The following IRS1 variants were observed in gnomAD, a reference collection of about 807,000 sequenced individuals.
IRS1 encodes the protein insulin receptor substrate 1.
IRS1 carries 34 observed loss-of-function variants against 65.6 expected under a neutral mutation model. That is an observed-to-expected ratio of 0.52 (90% confidence interval 0.39 to 0.69). The LOEUF (loss-of-function observed/expected upper bound fraction) is 0.69, where lower values mean the gene tolerates loss of function less well. IRS1 is among the 30% of genes least tolerant of loss of function. The pLI, the probability that IRS1 is intolerant of heterozygous loss-of-function variation, is 0.00. For synonymous variants in IRS1, 699 were observed against 683.5 expected, an observed-to-expected ratio of 1.02 and a Z score of -0.35; for missense variants, 1,641 against 1,720.2, an observed-to-expected ratio of 0.95 and a Z score of 0.81.
rs1165972173 is a variant in IRS1, at chr2:226,735,065, T to TA, written c.*1206dup. On this transcript the variant is annotated 3_prime_UTR_variant, in exon 2 of 2. Transcript: ENST00000305123. ...AGCCCTGGTCATAATGAAAAACACT[T>TA]ACTGGAATTTTAATTTCTGGTTAGC... is the stretch of plus-strand genomic sequence containing the variant. The TA allele has an allele frequency of 2.0e-5, 3 of 152,178 alleles. No homozygotes were observed. Among genetic ancestry groups the TA allele is most frequent in the African/African-American group, 7.2e-5 (3 of 41,440 alleles). 9.4% of individuals were successfully genotyped at this position (152,178 alleles called of 1,614,324 possible).
chr2:226,758,334 T>C (rs1219434530), intron 1 of IRS1, among the ~76,000 whole-genome samples: 3 of 152,192 alleles, frequency 2.0e-5, no homozygotes, highest in Non-Finnish European at 4.4e-5. Context: ...ATTAGTCTAC[T>C]ACCATGACCA....
At position 226,747,929 on chromosome 2, in the gene IRS1, T is replaced by C. The variant is rs149898213; in HGVS notation, c.*22-11679A>G. Among the ~76,000 whole-genome samples, 16 of 152,264 alleles carry C rather than the reference T, an allele frequency of 1.1e-4. 2 individuals are homozygous for C. The highest frequency in any genetic ancestry group is 3.6e-4 in the African/African-American group (15 of 41,548). On this transcript the variant is annotated intron_variant, in intron 1 of 1. Transcript: ENST00000305123. ...TCTAATGGGTAAGGGCCTGGAATAC[T>C]ACTAGACACCTTACAACACAGTGGA...
chr2:226,777,217 T>C (rs1939291449), intron 1 of IRS1, among the ~76,000 whole-genome samples: 1 of 152,176 alleles, frequency 6.6e-6, no homozygotes, highest in Non-Finnish European at 1.5e-5. Context: ...TAATGCAAGA[T>C]GTTAATAAAG....
intron 1 of IRS1, among the ~76,000 whole-genome samples, chr2:226,742,701 C>G (rs1238724522): frequency 7.4e-6 from 1 of 134,384 alleles, no homozygotes; most frequent in Non-Finnish European, 1.6e-5. Context: ...TGAAGAAAGG[C>G]ACACGCATTA....
In IRS1 at chr2:226,796,169, C is replaced by CT; in HGVS notation, c.2569_2570insA (p.Arg857GlnfsTer44). 1 of 1,613,684 alleles carries CT rather than the reference C, an allele frequency of 6.2e-7. No individual in the cohort carries two copies. The highest frequency in any genetic ancestry group is 8.5e-7 in the Non-Finnish European group (1 of 1,180,002). ...ATCCCCCAGGGACAGCCTCGTGGGC[C>CT]GGGCCAGGCGGCTATTGGTCTGAGC... is the stretch of plus-strand genomic sequence containing the variant. On this transcript the variant is annotated frameshift_variant, in exon 1 of 2. Coordinates refer to ENST00000305123, the MANE Select transcript of IRS1 (RefSeq NM_005544.3). LOFTEE classifies it high-confidence loss of function.
At chr2:226,791,193 G>A (rs760400209) in intron 1 of IRS1, among the ~76,000 whole-genome samples, 15 of 152,066 alleles carry the variant, frequency 9.9e-5, no homozygotes, top group Non-Finnish European at 7.4e-5. Context: ...CAAAACGATG[G>A]CATCCGCAGC....
chr2:226,783,107 C>T (rs569599350), intron 1 of IRS1, among the ~76,000 whole-genome samples: 4 of 152,128 alleles, frequency 2.6e-5, no homozygotes, highest in South Asian at 4.1e-4. Context: ...TAGAGACAAC[C>T]GCATCTACTA....
At chr2:226,771,685 G>A (rs1939167834) in intron 1 of IRS1, among the ~76,000 whole-genome samples, 1 of 151,800 alleles carries the variant, frequency 6.6e-6, no homozygotes. Context: ...TCTTTAAGAT[G>A]CTCATGCCTT....
At chr2:226,766,232 C>T (rs1224723699) in intron 1 of IRS1, among the ~76,000 whole-genome samples, 3 of 134,770 alleles carry the variant, frequency 2.2e-5, no homozygotes, top group Admixed American at 7.9e-5. Context: ...GGCACGATCT[C>T]GGCTCACTGC....
chr2:226,748,664 A>T lies in IRS1; in HGVS notation c.*22-12414T>A, dbSNP rs542340870. On this transcript the variant is annotated intron_variant, in intron 1 of 1. Transcript: ENST00000305123. ...TGATCAAAAAACAAACAAACAAAAC[A>T]AAACCCAGTAGTCAAATGCAAGACT... Among the ~76,000 whole-genome samples, 8 of 152,242 alleles carry T rather than the reference A, an allele frequency of 5.3e-5. No individual in the cohort carries two copies. The South Asian group carries it at 1.2e-3, about 24-fold the overall frequency.
chr2:226,749,693 A>G (rs892138526), intron 1 of IRS1, among the ~76,000 whole-genome samples: 1 of 152,206 alleles, frequency 6.6e-6, no homozygotes, highest in Admixed American at 6.5e-5. Flanking sequence ...AAACTGAACA[A>G]AAATTCAACT....
At chr2:226,788,135 T>C (rs1939520988) in intron 1 of IRS1, among the ~76,000 whole-genome samples, 2 of 152,266 alleles carry the variant, frequency 1.3e-5, no homozygotes, top group African/African-American at 4.8e-5. Context: ...AGAACATGCA[T>C]TAAAGTATTC....
At chr2:226,759,673 C>T (rs540516707) in intron 1 of IRS1, among the ~76,000 whole-genome samples, 1 of 152,142 alleles carries the variant, frequency 6.6e-6, no homozygotes, top group Non-Finnish European at 1.5e-5. Flanking sequence ...ACAATGAAAA[C>T]TTTTTCAAAA....
At chr2:226,774,563 A>C (rs1308446034) in intron 1 of IRS1, among the ~76,000 whole-genome samples, 2 of 152,214 alleles carry the variant, frequency 1.3e-5, no homozygotes, top group Non-Finnish European at 2.9e-5. Flanking sequence ...AAGGTTTGGG[A>C]AAGAGCCACA....
intron 1 of IRS1, among the ~76,000 whole-genome samples, chr2:226,753,749 G>A (rs752723827): frequency 5.9e-5 from 9 of 152,170 alleles, no homozygotes; most frequent in Non-Finnish European, 1.3e-4. Context: ...TCTTTGTGAC[G>A]AGATCCTCAT....
Position 226,796,076 on chromosome 2 carries a change from G to A in IRS1, c.2663C>T (p.Pro888Leu). The A allele has an allele frequency of 1.2e-6, 2 of 1,613,946 alleles. No homozygotes were observed. Among genetic ancestry groups the A allele is most frequent in the East Asian group, 2.2e-5 (1 of 44,886 alleles). ...QQQQQPLLHP[P>L]EPKSPGEYVN... ...ATATTCCCCCGGGCTCTTGGGCTCT[G>A]GAGGGTGCAGCAAGGGCTGCTGCTG... is the stretch of plus-strand genomic sequence containing the variant. Residue 888 changes from proline to leucine, a missense_variant, in exon 1 of 2, where the codon CCA (proline) becomes CTA (leucine). Transcript: ENST00000305123.
intron 1 of IRS1, among the ~76,000 whole-genome samples, chr2:226,736,699 C>T (rs1352035518): frequency 2.6e-5 from 4 of 152,030 alleles, no homozygotes; most frequent in South Asian, 2.1e-4. Flanking sequence ...ATGACAAAAT[C>T]GGAAATCAAT....
Position 226,799,227 on chromosome 2 carries a change from G to A in IRS1, c.-489C>T, listed in dbSNP as rs1574668443. 2 of 1,118,322 alleles carry A rather than the reference G, an allele frequency of 1.8e-6. No homozygotes were observed. The highest frequency in any genetic ancestry group is 9.1e-5 in the East Asian group (1 of 10,966). The allele number at this position is 1,118,322 out of a possible 1,614,324, so 69.3% of individuals were successfully genotyped here. A position where few individuals can be genotyped will look rare whatever the true frequency, so the allele number is the denominator to read the frequency against. On this transcript the variant is annotated 5_prime_UTR_variant, in exon 1 of 2. Coordinates refer to ENST00000305123, the MANE Select transcript of IRS1 (RefSeq NM_005544.3). The surrounding 1 kb of genome is among the most constrained non-coding windows in gnomAD (Gnocchi z 6.1). ...AATTAAATATCCTTGGGCAGGGGGA[G>A]GCGGGTTGCCAAGTCCCAACGTTGC...
At chr2:226,790,319 C>T (rs1463988081) in intron 1 of IRS1, among the ~76,000 whole-genome samples, 1 of 151,316 alleles carries the variant, frequency 6.6e-6, no homozygotes, top group African/African-American at 2.4e-5. Flanking sequence ...AGCTATTTTC[C>T]TGGAATTGTG....
Sources: allele counts gnomAD v4.1 joint callset (sites outside exome capture counted in the v4.1 genomes callset), GRCh38; gene constraint gnomAD v4.1.1; non-coding constraint Gnocchi (gnomAD v3.1); transcripts MANE v1.5; gene names NCBI Gene and HGNC (gene_info 2026-07-23, HGNC 2026-07-21).